The following GALNTL6 variants were observed in gnomAD, a reference collection of about 807,000 sequenced individuals.
GALNTL6 encodes the protein polypeptide N-acetylgalactosaminyltransferase like 6.
GALNTL6 carries 46 observed loss-of-function variants against 73.7 expected under a neutral mutation model. The observed-to-expected ratio is 0.62, with a 90% CI of 0.49 to 0.80. GALNTL6 has a LOEUF of 0.80. Ranked by LOEUF, GALNTL6 falls within the 30% of genes least tolerant of loss-of-function variation. The pLI is 0.00. For missense variants in GALNTL6, 604 were observed against 755.0 expected, an observed-to-expected ratio of 0.80 and a Z score of 2.34; for synonymous variants, 259 against 263.7, an observed-to-expected ratio of 0.98 and a Z score of 0.17.
intron 3 of GALNTL6, among the ~76,000 whole-genome samples, chr4:172,241,582 C>T (rs1737435959): frequency 6.6e-6 from 1 of 152,020 alleles, no homozygotes; most frequent in South Asian, 2.1e-4. Context: ...TAGCATTGGC[C>T]AAACCAATGT....
intron 5 of GALNTL6, among the ~76,000 whole-genome samples, chr4:172,444,254 C>T (rs532840381): frequency 6.6e-6 from 1 of 152,174 alleles, no homozygotes; most frequent in Non-Finnish European, 1.5e-5. Context: ...AGTGATCTAA[C>T]GGTCTACATT....
intron 5 of GALNTL6, among the ~76,000 whole-genome samples, chr4:172,726,705 A>G (rs2111376019): frequency 6.6e-6 from 1 of 152,304 alleles, no homozygotes; most frequent in Admixed American, 6.5e-5. Context: ...ATCATGATCC[A>G]TCCAATTCAA....
intron 5 of GALNTL6, among the ~76,000 whole-genome samples, chr4:172,657,132 C>A (rs1218833843): frequency 1.3e-5 from 2 of 152,152 alleles, no homozygotes; most frequent in African/African-American, 2.4e-5. Context: ...GCTGATAGGC[C>A]ACTGAGCTCT....
At chr4:172,221,742 GT>G (rs1235135611) in intron 2 of GALNTL6, among the ~76,000 whole-genome samples, 1 of 151,784 alleles carries the variant, frequency 6.6e-6, no homozygotes, top group Non-Finnish European at 1.5e-5. Context: ...GGTTTCTGTT[GT>G]GATGGAAACA....
chr4:171,961,273 T>C (rs371742353), intron 2 of GALNTL6, among the ~76,000 whole-genome samples: 8 of 152,150 alleles, frequency 5.3e-5, no homozygotes, highest in African/African-American at 1.4e-4. Flanking sequence ...TCATACCTTG[T>C]CTAACAGTCC....
intron 2 of GALNTL6, among the ~76,000 whole-genome samples, chr4:172,209,164 C>T (rs1736242012): frequency 6.6e-6 from 1 of 152,004 alleles, no homozygotes; most frequent in African/African-American, 2.4e-5. Flanking sequence ...TGTGTCAAAA[C>T]TCACAAATAA....
intron 2 of GALNTL6, among the ~76,000 whole-genome samples, chr4:171,952,564 T>C (rs2111033306): frequency 6.6e-6 from 1 of 152,186 alleles, no homozygotes. Context: ...TGTTTAACAT[T>C]TGAAATCATT....
chr4:172,984,711 G>A (rs1330098105), intron 10 of GALNTL6, among the ~76,000 whole-genome samples: 3 of 152,126 alleles, frequency 2.0e-5, no homozygotes, highest in Non-Finnish European at 4.4e-5. Context: ...CCAAACCTCA[G>A]TATCATGCAG....
chr4:172,690,589 A>T (rs1015665753), intron 5 of GALNTL6, among the ~76,000 whole-genome samples: 2 of 152,192 alleles, frequency 1.3e-5, no homozygotes, highest in African/African-American at 4.8e-5. Context: ...AGTTGCAAAA[A>T]CAATGGAATT....
intron 2 of GALNTL6, among the ~76,000 whole-genome samples, chr4:172,146,984 C>T (rs887108959): frequency 1.3e-5 from 2 of 151,958 alleles, no homozygotes; most frequent in African/African-American, 2.4e-5. Context: ...TTTTAGGCAC[C>T]GGGATTGTTG....
chr4:172,895,340 A>C (rs1027646191), intron 8 of GALNTL6, among the ~76,000 whole-genome samples: 6 of 147,254 alleles, frequency 4.1e-5, no homozygotes, highest in African/African-American at 1.5e-4. Context: ...GTTGCTTTTT[A>C]CTTTAGTGTA....
At chr4:172,426,348 T>A (rs1033688799) in intron 5 of GALNTL6, among the ~76,000 whole-genome samples, 1 of 152,084 alleles carries the variant, frequency 6.6e-6, no homozygotes, top group African/African-American at 2.4e-5. Flanking sequence ...ATAGCAGAGT[T>A]TTTTTAATAA....
In GALNTL6 at chr4:173,040,272, A is replaced by G. The variant is rs1190294082; in HGVS notation, c.*172A>G. 3.7e-6 allele frequency: 2 copies of G among 539,776 alleles called. No homozygotes were observed. The highest frequency in any genetic ancestry group is 3.2e-6 in the Non-Finnish European group (1 of 310,124). 33.4% of individuals were successfully genotyped at this position (539,776 alleles called of 1,614,324 possible). Reference sequence around the variant, plus strand: ...TTTGAAGAACTTCCTGCATCTGAAGAACTTGGCTGAGAATCTCACCAGCTG... The same window carrying G: ...TTTGAAGAACTTCCTGCATCTGAAGGACTTGGCTGAGAATCTCACCAGCTG... On this transcript the variant is annotated 3_prime_UTR_variant, in exon 13 of 13. Coordinates refer to ENST00000506823, the MANE Select transcript of GALNTL6 (RefSeq NM_001034845.3).
chr4:171,995,651 G>C (rs1740464411), intron 2 of GALNTL6, among the ~76,000 whole-genome samples: 1 of 151,904 alleles, frequency 6.6e-6, no homozygotes, highest in Admixed American at 6.6e-5. Flanking sequence ...ACAAACATTA[G>C]AGCAGTTTCC....
chr4:171,967,372 G>C (rs1263520764), intron 2 of GALNTL6, among the ~76,000 whole-genome samples: 2 of 150,992 alleles, frequency 1.3e-5, no homozygotes, highest in African/African-American at 4.9e-5. Context: ...TCCCAGTTGA[G>C]ACTTTAGGTC....
At chr4:172,333,203 C>T (rs139029020) in intron 4 of GALNTL6, among the ~76,000 whole-genome samples, 183 of 152,110 alleles carry the variant, frequency 1.2e-3, no homozygotes, top group African/African-American at 3.9e-3. Context: ...GTTGGGAGTT[C>T]GAGACCAGCC....
At chr4:172,739,679 T>C (rs1736689776) in intron 5 of GALNTL6, among the ~76,000 whole-genome samples, 1 of 152,166 alleles carries the variant, frequency 6.6e-6, no homozygotes, top group African/African-American at 2.4e-5. Flanking sequence ...GAACAATCCA[T>C]TTTAGATCTG....
At chr4:172,658,715 C>A (rs562198940) in intron 5 of GALNTL6, among the ~76,000 whole-genome samples, 8 of 152,182 alleles carry the variant, frequency 5.3e-5, no homozygotes, top group African/African-American at 1.9e-4. Flanking sequence ...CCCAGCTACA[C>A]CTTGAGGTTA....
At chr4:172,914,084 G>T (rs1276982821) in intron 8 of GALNTL6, among the ~76,000 whole-genome samples, 2 of 152,118 alleles carry the variant, frequency 1.3e-5, no homozygotes, top group African/African-American at 4.8e-5. Context: ...GGGGGGTGGT[G>T]GCCAATATTC....
Sources: gnomAD v4.1 joint callset for allele counts (sites outside exome capture counted in the v4.1 genomes callset) on GRCh38, gnomAD v4.1.1 for gene constraint, MANE v1.5 for transcripts, NCBI Gene and HGNC (gene_info 2026-07-23, HGNC 2026-07-21) for gene names.